ZSWIM6: variants seen among roughly 807,000 people sequenced by gnomAD.
The protein encoded by ZSWIM6 is zinc finger SWIM domain-containing protein 6.
In ZSWIM6, 9 loss-of-function variants were observed where a neutral mutation model predicts 113.2. The ratio of observed to expected loss-of-function variants is 0.08; its 90% CI spans 0.05 to 0.14. The LOEUF is 0.14. Ranked by LOEUF, ZSWIM6 falls within the 10% of genes least tolerant of loss-of-function variation. ZSWIM6 has a pLI of 1.00. For synonymous variants in ZSWIM6, 611 were observed against 606.5 expected, an observed-to-expected ratio of 1.01 and a Z score of -0.11; for missense variants, 1,162 against 1,552.2, an observed-to-expected ratio of 0.75 and a Z score of 4.22.
rs140751847 is a variant in ZSWIM6, at chr5:61,372,285, A to AT, written c.676+39349dup. Among the ~76,000 whole-genome samples the AT allele has an allele frequency of 7.9e-3, 1,129 of 142,226 alleles. 8 individuals are homozygous for AT. The highest frequency in any genetic ancestry group is 0.02 in the African/African-American group (780 of 38,930). 93.3% of individuals were successfully genotyped at this position (142,226 alleles called of 152,430 possible). A position where few individuals can be genotyped will look rare whatever the true frequency, so the allele number is the denominator to read the frequency against. Reference sequence around the variant, plus strand: ...CTACCCCATTCTTACCCTCTGCCCTATTTTTTTTTTTTCATATCCAAATTT... The same window carrying AT: ...CTACCCCATTCTTACCCTCTGCCCTATTTTTTTTTTTTTCATATCCAAATTT... On this transcript the variant is annotated intron_variant, in intron 1 of 13. Coordinates refer to ENST00000252744, the MANE Select transcript of ZSWIM6 (RefSeq NM_020928.2).
chr5:61,518,906 G>T (rs915479568), intron 4 of ZSWIM6, among the ~76,000 whole-genome samples: 1 of 151,876 alleles, frequency 6.6e-6, no homozygotes, highest in African/African-American at 2.4e-5. Flanking sequence ...TTCTTCTAGG[G>T]TTTTTATGGT....
chr5:61,465,904 T>C (rs1266290833), intron 1 of ZSWIM6, among the ~76,000 whole-genome samples: 3 of 152,188 alleles, frequency 2.0e-5, no homozygotes, highest in Non-Finnish European at 4.4e-5. Context: ...GCCGGCAAAA[T>C]CTCCTAATGT....
intron 1 of ZSWIM6, among the ~76,000 whole-genome samples, chr5:61,440,003 G>C (rs1027836690): frequency 4.6e-5 from 7 of 151,964 alleles, no homozygotes; most frequent in Admixed American, 2.0e-4. Context: ...TCATGACTTA[G>C]TATTTTACTG....
At chr5:61,342,592 G>C (rs1744571650) in intron 1 of ZSWIM6, among the ~76,000 whole-genome samples, 1 of 152,178 alleles carries the variant, frequency 6.6e-6, no homozygotes, top group African/African-American at 2.4e-5. Context: ...ATTCCAGAAG[G>C]TTTAGCTTTA....
chr5:61,428,307 T>A (rs769305074), intron 1 of ZSWIM6, among the ~76,000 whole-genome samples: 2 of 152,208 alleles, frequency 1.3e-5, no homozygotes, highest in Non-Finnish European at 2.9e-5. Context: ...TTCTCTTAAC[T>A]GAAGTCCGTG....
At chr5:61,526,467 G>A in intron 7 of ZSWIM6, 71 bp downstream of exon 7, 1 of 1,502,162 alleles carries the variant, frequency 6.7e-7, no homozygotes, top group Non-Finnish European at 8.9e-7. Flanking sequence ...TTTGTGTTCT[G>A]GGAGAGATGG....
At chr5:61,432,921 G>A (rs1283162348) in intron 1 of ZSWIM6, among the ~76,000 whole-genome samples, 2 of 152,030 alleles carry the variant, frequency 1.3e-5, no homozygotes, top group African/African-American at 4.8e-5. Flanking sequence ...ATAATTTAAT[G>A]TTCATTTATT....
intron 1 of ZSWIM6, among the ~76,000 whole-genome samples, chr5:61,357,931 G>C (rs964654696): frequency 2.0e-5 from 3 of 152,110 alleles, no homozygotes; most frequent in African/African-American, 7.2e-5. Context: ...TAGTTGATGA[G>C]TTACCAAGCT....
chr5:61,457,787 T>G (rs1342196791), intron 1 of ZSWIM6, among the ~76,000 whole-genome samples: 1 of 152,168 alleles, frequency 6.6e-6, no homozygotes, highest in East Asian at 1.9e-4. Context: ...CCTCCTAAAG[T>G]GCTGGGATTA....
chr5:61,353,056 T>G (rs928334635), intron 1 of ZSWIM6, among the ~76,000 whole-genome samples: 6 of 152,126 alleles, frequency 3.9e-5, no homozygotes, highest in Non-Finnish European at 5.9e-5. Context: ...TGCTTATGCT[T>G]GAGCTTTTTT....
intron 2 of ZSWIM6, among the ~76,000 whole-genome samples, chr5:61,484,183 T>C (rs1444783400): frequency 6.6e-6 from 1 of 152,132 alleles, no homozygotes; most frequent in East Asian, 1.9e-4. Flanking sequence ...AAGTCTTATG[T>C]GGATATGACC....
At chr5:61,455,254 C>G (rs1747179570) in intron 1 of ZSWIM6, among the ~76,000 whole-genome samples, 1 of 152,110 alleles carries the variant, frequency 6.6e-6, no homozygotes, top group African/African-American at 2.4e-5. Flanking sequence ...TTTTCCTTTT[C>G]TAGTTCATGG....
chr5:61,436,643 A>G (rs1394262665), intron 1 of ZSWIM6, among the ~76,000 whole-genome samples: 1 of 152,218 alleles, frequency 6.6e-6, no homozygotes, highest in East Asian at 1.9e-4. Flanking sequence ...TTATTACTAA[A>G]TATTAGGCAA....
intron 1 of ZSWIM6, among the ~76,000 whole-genome samples, chr5:61,431,608 G>C (rs569186680): frequency 1.3e-5 from 2 of 150,412 alleles, no homozygotes; most frequent in East Asian, 3.9e-4. Flanking sequence ...AGCCGGGCGT[G>C]GTGGTGGGCG....
At chr5:61,373,774 T>G (rs1218251437) in intron 1 of ZSWIM6, among the ~76,000 whole-genome samples, 3 of 152,302 alleles carry the variant, frequency 2.0e-5, no homozygotes, top group African/African-American at 4.8e-5. Flanking sequence ...ACTTCTTTAA[T>G]ATCATATCTT....
At chr5:61,526,505 G>A (rs1048891351) in intron 7 of ZSWIM6, 109 bp downstream of exon 7, 28 of 1,238,470 alleles carry the variant, frequency 2.3e-5, no homozygotes, top group East Asian at 1.9e-4. Flanking sequence ...ATAGATGATG[G>A]CTTTACTCGC....
chr5:61,395,313 C>A (rs993598281), intron 1 of ZSWIM6, among the ~76,000 whole-genome samples: 5 of 151,900 alleles, frequency 3.3e-5, no homozygotes, highest in African/African-American at 1.2e-4. Context: ...TGTGTCCTTG[C>A]CCAGTCTTAC....
chr5:61,543,756 G>A lies in ZSWIM6; in HGVS notation c.3087G>A (p.Gln1029=). ...DAATTGMSYT[Q]LFTIARYMEH... ...CTACGACTGGCATGAGCTATACACAGCTCTTTACAATAGCACGGTACATGG... is the reference window on the plus strand; with the variant it reads ...CTACGACTGGCATGAGCTATACACAACTCTTTACAATAGCACGGTACATGG... Residue 1029 remains glutamine (Q), a synonymous_variant, in exon 14 of 14, where the codon CAG becomes CAA. Coordinates refer to ENST00000252744, the MANE Select transcript of ZSWIM6 (RefSeq NM_020928.2). This position sits in a 1 kb window ranked among gnomAD's most constrained non-coding sequence, Gnocchi z 4.3. The A allele has an allele frequency of 6.4e-7, 1 of 1,551,724 alleles. No individual in the cohort carries two copies. The highest frequency in any genetic ancestry group is 8.7e-7 in the Non-Finnish European group (1 of 1,147,004).
At chr5:61,378,118 C>T (rs1464963150) in intron 1 of ZSWIM6, among the ~76,000 whole-genome samples, 1 of 152,140 alleles carries the variant, frequency 6.6e-6, no homozygotes, top group African/African-American at 2.4e-5. Flanking sequence ...TTTATAAATG[C>T]ACAGACCTAT....
Sources: allele counts gnomAD v4.1 joint callset (sites outside exome capture counted in the v4.1 genomes callset), GRCh38; gene constraint gnomAD v4.1.1; non-coding constraint Gnocchi (gnomAD v3.1); transcripts MANE v1.5; gene names NCBI Gene and HGNC (gene_info 2026-07-23, HGNC 2026-07-21).